ELOVL7: variants seen among roughly 807,000 people sequenced by gnomAD.
The protein encoded by ELOVL7 is ELOVL fatty acid elongase 7, also known as very long chain fatty acid elongase 7.
Under a neutral mutation model 35.7 loss-of-function variants are expected in ELOVL7, and 27 were observed. The ratio of observed to expected loss-of-function variants is 0.76; its 90% CI spans 0.56 to 1.04. ELOVL7 has a LOEUF of 1.04. ELOVL7 is among the 50% of genes least tolerant of loss of function. The pLI is 0.00. For synonymous variants in ELOVL7, 113 were observed against 114.6 expected (o/e 0.99, Z 0.09); for missense variants, 327 against 340.8 (o/e 0.96, Z 0.32).
intron 1 of ELOVL7, among the ~76,000 whole-genome samples, chr5:60,841,949 C>A (rs534312125): frequency 6.6e-6 from 1 of 152,226 alleles, no homozygotes; most frequent in East Asian, 1.9e-4. Flanking sequence ...ATGCAAACTC[C>A]GTAACTTCCT....
intron 1 of ELOVL7, among the ~76,000 whole-genome samples, chr5:60,841,469 T>C (rs998700957): frequency 6.6e-6 from 1 of 152,226 alleles, no homozygotes; most frequent in Non-Finnish European, 1.5e-5. Flanking sequence ...CTCCCTGATC[T>C]TATCCTTTTG....
intron 2 of ELOVL7, among the ~76,000 whole-genome samples, chr5:60,798,182 C>A (rs1015072575): frequency 1.3e-5 from 2 of 152,180 alleles, no homozygotes; most frequent in Non-Finnish European, 2.9e-5. Context: ...GTCACAGATA[C>A]GTGTCCTCAA....
intron 1 of ELOVL7, among the ~76,000 whole-genome samples, chr5:60,820,207 A>G (rs1403665657): frequency 6.6e-6 from 1 of 152,188 alleles, no homozygotes; most frequent in Non-Finnish European, 1.5e-5. Context: ...AACCTGAATG[A>G]GCTTAGAAAT....
chr5:60,807,003 C>T (rs1053600571), intron 1 of ELOVL7, among the ~76,000 whole-genome samples: 1 of 152,152 alleles, frequency 6.6e-6, no homozygotes, highest in African/African-American at 2.4e-5. Context: ...CGCTGTGGCC[C>T]AGGAAAGGGT....
intron 1 of ELOVL7, among the ~76,000 whole-genome samples, chr5:60,805,906 T>G (rs1744897076): frequency 6.6e-6 from 1 of 150,852 alleles, no homozygotes; most frequent in Admixed American, 6.6e-5. Flanking sequence ...GCAGGAAACA[T>G]GTGTGATATG....
At position 60,754,486 on chromosome 5, in the gene ELOVL7, T is replaced by G; in HGVS notation, c.*138A>C. 1 of 720,938 alleles carries G rather than the reference T, an allele frequency of 1.4e-6. No homozygotes were observed. Among genetic ancestry groups the G allele is most frequent in the Non-Finnish European group, 2.3e-6 (1 of 443,496 alleles). The allele number at this position is 720,938 out of a possible 1,614,324, so 44.7% of individuals were successfully genotyped here. A position where few individuals can be genotyped will look rare whatever the true frequency, so the allele number is the denominator to read the frequency against. On this transcript the variant is annotated 3_prime_UTR_variant, in exon 9 of 9. Coordinates refer to ENST00000508821, the MANE Select transcript of ELOVL7 (RefSeq NM_024930.3). ...TCTGGAAGCTTCGGGCTCTCAAATA[T>G]CAGACATCCCAATAACTTACCATAA...
intron 3 of ELOVL7, chr5:60,784,157 G>C: frequency 1.3e-6 from 2 of 1,518,122 alleles, no homozygotes; most frequent in Non-Finnish European, 1.8e-6. Context: ...TTAAGTAGCA[G>C]GTACTGGCTC....
At chr5:60,776,142 C>T (rs1477120313) in intron 3 of ELOVL7, among the ~76,000 whole-genome samples, 1 of 152,140 alleles carries the variant, frequency 6.6e-6, no homozygotes, top group Non-Finnish European at 1.5e-5. Flanking sequence ...TAAATAACTT[C>T]ATTAAAAAGT....
At chr5:60,806,447 A>G (rs1313641575) in intron 1 of ELOVL7, among the ~76,000 whole-genome samples, 2 of 152,178 alleles carry the variant, frequency 1.3e-5, no homozygotes, top group Non-Finnish European at 2.9e-5. Context: ...GAGAAATAAT[A>G]TAGAAGGAGA....
chr5:60,802,397 C>T (rs982775757), intron 1 of ELOVL7, among the ~76,000 whole-genome samples: 4 of 152,092 alleles, frequency 2.6e-5, no homozygotes, highest in Non-Finnish European at 4.4e-5. Flanking sequence ...CATTCTCAGA[C>T]ATGACGACAC....
rs1561465656 is a variant in ELOVL7 at position 60,819,014 on chromosome 5, AAGAGG to A, written c.-85-19789_-85-19785del. On this transcript the variant is annotated intron_variant, in intron 1 of 8. Transcript: ENST00000508821. Reference sequence around the variant, plus strand: ...CAACAGGGAGAAAGAAAAAGAAGAGAAGAGGAGAGGGGAGGGGAGGGGAGGGGAGG... The same window carrying A: ...CAACAGGGAGAAAGAAAAAGAAGAGAAGAGGGGAGGGGAGGGGAGGGGAGG... Among the ~76,000 whole-genome samples, 10 of 97,856 alleles carry A rather than the reference AAGAGG, an allele frequency of 1.0e-4. 1 individual carries two copies. The highest frequency in any genetic ancestry group is 2.4e-4 in the African/African-American group (6 of 25,356). 64.2% of individuals were successfully genotyped at this position (97,856 alleles called of 152,430 possible).
At chr5:60,824,743 T>A (rs1448761085) in intron 1 of ELOVL7, among the ~76,000 whole-genome samples, 1 of 152,244 alleles carries the variant, frequency 6.6e-6, no homozygotes, top group African/African-American at 2.4e-5. Flanking sequence ...TCTAAGCTGG[T>A]CTCCCTGACT....
chr5:60,812,244 A>G (rs1745277875), intron 1 of ELOVL7, among the ~76,000 whole-genome samples: 1 of 152,178 alleles, frequency 6.6e-6, no homozygotes, highest in African/African-American at 2.4e-5. Context: ...TTAATTAAAT[A>G]AAGAAAAGGA....
chr5:60,841,342 C>A (rs1169441026), intron 1 of ELOVL7, among the ~76,000 whole-genome samples: 3 of 151,950 alleles, frequency 2.0e-5, no homozygotes, highest in African/African-American at 7.3e-5. Context: ...TACTAAAATA[C>A]TATATGGAGT....
At chr5:60,790,012 C>T (rs985537375) in intron 2 of ELOVL7, among the ~76,000 whole-genome samples, 1 of 152,124 alleles carries the variant, frequency 6.6e-6, no homozygotes, top group African/African-American at 2.4e-5. Flanking sequence ...TGGCAGGCGC[C>T]TGTAATTCCA....
intron 2 of ELOVL7, among the ~76,000 whole-genome samples, chr5:60,796,325 G>A (rs1256510660): frequency 1.3e-5 from 2 of 152,316 alleles, no homozygotes; most frequent in Admixed American, 1.3e-4. Flanking sequence ...AAACATGGGG[G>A]ATGACTATAA....
chr5:60,762,852 T>C (rs1322932963), intron 7 of ELOVL7, among the ~76,000 whole-genome samples: 1 of 152,226 alleles, frequency 6.6e-6, no homozygotes, highest in African/African-American at 2.4e-5. Context: ...TTCACAGTCA[T>C]ATAGACACAA....
chr5:60,808,743 G>A (rs1745087665), intron 1 of ELOVL7, among the ~76,000 whole-genome samples: 1 of 152,012 alleles, frequency 6.6e-6, no homozygotes, highest in African/African-American at 2.4e-5. Context: ...ACTAATAAAT[G>A]GATAAACAAA....
At chr5:60,796,790 C>T (rs867743965) in intron 2 of ELOVL7, among the ~76,000 whole-genome samples, 10 of 152,234 alleles carry the variant, frequency 6.6e-5, no homozygotes, top group South Asian at 6.2e-4. Context: ...CATAACTAAT[C>T]AAAAGTTAAG....
Sources: allele counts gnomAD v4.1 joint callset (sites outside exome capture counted in the v4.1 genomes callset), GRCh38; gene constraint gnomAD v4.1.1; transcripts MANE v1.5; gene names NCBI Gene and HGNC (gene_info 2026-07-23, HGNC 2026-07-21).